SETDB1: variants seen among roughly 807,000 people sequenced by gnomAD.
The protein encoded by SETDB1 is SET domain bifurcated histone lysine methyltransferase 1, also known as histone-lysine N-methyltransferase SETDB1.
In SETDB1, 31 loss-of-function variants were observed where a neutral mutation model predicts 137.4. That is an observed-to-expected ratio of 0.23 (90% CI 0.17 to 0.30). SETDB1 has a LOEUF of 0.30. SETDB1 is among the 10% of genes least tolerant of loss of function. The pLI is 1.00. For missense variants in SETDB1, 1,113 were observed against 1,631.5 expected (o/e 0.68, Z 5.47); for synonymous variants, 548 against 579.9 (o/e 0.95, Z 0.79).
chr1:150,941,510 G>T, intron 5 of SETDB1, 82 bp downstream of exon 5: 1 of 814,286 alleles, frequency 1.2e-6, no homozygotes. Flanking sequence ...TCTGCTAATT[G>T]TTTGTGACAT....
intron 14 of SETDB1, among the ~76,000 whole-genome samples, chr1:150,952,706 C>G (rs888118925): frequency 6.6e-6 from 1 of 151,662 alleles, no homozygotes; most frequent in Admixed American, 6.6e-5. Flanking sequence ...ATGGAGAAAT[C>G]CCGTCTCTAC....
chr1:150,964,666 T>C lies in SETDB1; in HGVS notation c.*302T>C. The C allele has an allele frequency of 1.7e-6, 1 of 602,994 alleles. No individual in the cohort carries two copies. The highest frequency in any genetic ancestry group is 4.4e-4 in the Middle Eastern group (1 of 2,282). 37.4% of individuals were successfully genotyped at this position (602,994 alleles called of 1,614,324 possible). On this transcript the variant is annotated 3_prime_UTR_variant, in exon 22 of 22. Coordinates refer to ENST00000692827, the MANE Select transcript of SETDB1 (RefSeq NM_001366418.1). ...CTTCTAACAGACTTTGTTCTTAGAA[T>C]GGAGCCTGTGTATCTACTATCTCCA... is the stretch of plus-strand genomic sequence containing the variant.
Position 150,950,699 on chromosome 1 carries a change from T to C in SETDB1, c.1825T>C (p.Phe609Leu). Residue 609 changes from phenylalanine (F) to leucine (L), a missense_variant, in exon 13 of 22, where the codon TTC (phenylalanine) becomes CTC (leucine). Physicochemically the swap from Phe to Leu is conservative, Grantham distance 22. Around this residue, in one of 11 missense-constraint regions of SETDB1, gnomAD observed 55 missense variants for 118.5 expected, o/e 0.46. Coordinates refer to ENST00000692827, the MANE Select transcript of SETDB1 (RefSeq NM_001366418.1). ...TCTGCTGGTCCCGTTACTATATGAC[T>C]TCCGGCGGATGACAGCCCGGCGTCG... is the stretch of plus-strand genomic sequence containing the variant. ...NPLLVPLLYD[F>L]RRMTARRRVN... 6.2e-7 allele frequency: 1 copy of C among 1,614,232 alleles called. No homozygotes were observed. Among genetic ancestry groups the C allele is most frequent in the East Asian group, 2.2e-5 (1 of 44,886 alleles).
intron 3 of SETDB1, among the ~76,000 whole-genome samples, chr1:150,936,116 A>G (rs587638450): frequency 6.6e-6 from 1 of 152,216 alleles, no homozygotes; most frequent in African/African-American, 2.4e-5. Flanking sequence ...CCTCCCGAGT[A>G]GCTGGGACTA....
intron 7 of SETDB1, 49 bp downstream of exon 7, chr1:150,943,102 C>T (rs1195600202): frequency 7.3e-7 from 1 of 1,370,782 alleles, no homozygotes; most frequent in Non-Finnish European, 1.0e-6. Flanking sequence ...AGCACAGCAC[C>T]TGCCCTGTTC....
rs745880862 is a variant in SETDB1 at position 150,951,100 on chromosome 1, T to C, written c.2216+10T>C. 1 of 1,597,510 alleles carries C rather than the reference T, an allele frequency of 6.3e-7. No homozygotes were observed. Among genetic ancestry groups the C allele is most frequent in the Non-Finnish European group, 8.5e-7 (1 of 1,169,818 alleles). ...ATGGGTGTCGGGACAAGTGAGTTGG[T>C]GGGGGGAATTGCTGCCCCTGCTTCC... On this transcript the variant is annotated intron_variant, in intron 13 of 21. Coordinates refer to ENST00000692827, the MANE Select transcript of SETDB1 (RefSeq NM_001366418.1).
At chr1:150,933,752 T>C (rs1263588282) in intron 3 of SETDB1, among the ~76,000 whole-genome samples, 25 of 12,194 alleles carry the variant, frequency 2.1e-3, no homozygotes, top group Non-Finnish European at 2.7e-3. Flanking sequence ...GATTTTTCTT[T>C]TTCTTTTTCT....
Position 150,962,080 on chromosome 1 carries a change from TG to T in SETDB1, c.3133-49del, listed in dbSNP as rs764729447. The T allele has an allele frequency of 8.1e-6, 13 of 1,612,014 alleles. No homozygotes were observed. In the East Asian group the frequency reaches 2.7e-4, roughly 33 times the overall value. ...TCATTTGAAGTCTGATTATTGGACT[TG>T]TTACCCGAGGCTGTGAAAGCATTTA... On this transcript the variant is annotated intron_variant, in intron 16 of 21. Coordinates refer to ENST00000692827, the MANE Select transcript of SETDB1 (RefSeq NM_001366418.1).
intron 3 of SETDB1, among the ~76,000 whole-genome samples, chr1:150,936,857 G>T (rs1669960299): frequency 1.3e-5 from 2 of 152,262 alleles, no homozygotes; most frequent in Admixed American, 6.5e-5. Context: ...GCTCACAGTG[G>T]CTCACACCTG....
chr1:150,935,321 C>G (rs1304515122), intron 3 of SETDB1, among the ~76,000 whole-genome samples: 1 of 152,000 alleles, frequency 6.6e-6, no homozygotes, highest in African/African-American at 2.4e-5. Context: ...TGGGATGTAT[C>G]CAAGTTCTTT....
At chr1:150,942,485 C>A (rs1365615965) in intron 5 of SETDB1, 78 bp from the exon 6 acceptor site, 2 of 1,255,520 alleles carry the variant, frequency 1.6e-6, no homozygotes, top group Non-Finnish European at 2.2e-6. Flanking sequence ...CCCTAATTAC[C>A]ATACTACCCT....
At chr1:150,940,878 G>A (rs1449593120) in intron 4 of SETDB1, among the ~76,000 whole-genome samples, 1 of 151,360 alleles carries the variant, frequency 6.6e-6, no homozygotes, top group Non-Finnish European at 1.5e-5. Flanking sequence ...CGTGCCTGTA[G>A]TCCCAGCTGC....
At chr1:150,928,093 T>C (rs746456760) in intron 2 of SETDB1, 119 bp downstream of exon 2, 10 of 1,230,196 alleles carry the variant, frequency 8.1e-6, no homozygotes, top group African/African-American at 1.5e-5. Flanking sequence ...AGTCTCGCTC[T>C]GTCACCCAAG....
At position 150,942,608 on chromosome 1, in the gene SETDB1, T is replaced by C; in HGVS notation, c.593T>C (p.Leu198Pro). 6.2e-7 allele frequency: 1 copy of C among 1,613,612 alleles called. No individual in the cohort carries two copies. Among genetic ancestry groups the C allele is most frequent in the Non-Finnish European group, 8.5e-7 (1 of 1,179,560 alleles). The change falls in exon 6 of 22, where the codon CTG becomes CCG. Residue 198 changes from leucine to proline, a missense_variant. Leu to Pro is a moderately conservative substitution (Grantham distance 98). Around this residue, in one of 11 missense-constraint regions of SETDB1, gnomAD observed 154 missense variants for 303.1 expected, o/e 0.51. Coordinates refer to ENST00000692827, the MANE Select transcript of SETDB1 (RefSeq NM_001366418.1). ...MSGELSKDGD[L>P]IVSMRILGKK... is the part of the protein sequence containing the mutation. ...GGAGAACTAAGCAAAGATGGTGACC[T>C]GATAGTCAGCATGCGAATTCTGGGC...
intron 18 of SETDB1, 104 bp from the exon 19 acceptor site, chr1:150,962,870 T>C: frequency 6.7e-7 from 1 of 1,484,242 alleles, no homozygotes; most frequent in Non-Finnish European, 9.2e-7. Flanking sequence ...CATCTAATCT[T>C]CCTCTTGCCA....
At chr1:150,951,293 G>A in intron 13 of SETDB1, 72 bp from the exon 14 acceptor site, 2 of 1,215,228 alleles carry the variant, frequency 1.6e-6, no homozygotes, top group Non-Finnish European at 1.2e-6. Context: ...GCAACCTTGG[G>A]TACATGTGTA....
chr1:150,927,651 G>T, intron 1 of SETDB1, 53 bp from the exon 2 acceptor site: 2 of 1,510,958 alleles, frequency 1.3e-6, no homozygotes, highest in African/African-American at 1.4e-5. Context: ...ATTCTCTATT[G>T]ATTGATTGTA....
Position 150,963,661 on chromosome 1 carries a change from A to G in SETDB1, c.3592A>G (p.Thr1198Ala). Residue 1198 changes from threonine (T) to alanine (A), a missense_variant, in exon 20 of 22, where the codon ACA (threonine) becomes GCA (alanine). By Grantham distance (58) the Thr-to-Ala change is moderately conservative. Around this residue, in one of 11 missense-constraint regions of SETDB1, gnomAD observed 373 missense variants for 412.7 expected, o/e 0.90. Coordinates refer to ENST00000692827, the MANE Select transcript of SETDB1 (RefSeq NM_001366418.1). ...GGAGAGCGCACCTGTTCGTAAGAAC[A>G]CACGCCAATTCTATGATGGCGAGGA... ...KGESAPVRKN[T>A]RQFYDGEESC... The G allele has an allele frequency of 6.2e-7, 1 of 1,614,196 alleles. No individual in the cohort carries two copies. Among genetic ancestry groups the G allele is most frequent in the Non-Finnish European group, 8.5e-7 (1 of 1,180,036 alleles).
chr1:150,955,015 G>A (rs779883127), intron 14 of SETDB1, among the ~76,000 whole-genome samples: 1 of 152,202 alleles, frequency 6.6e-6, no homozygotes, highest in Non-Finnish European at 1.5e-5. Context: ...AGGAAAATTG[G>A]TTTAACAGAA....
Sources: gnomAD v4.1 joint callset for allele counts (sites outside exome capture counted in the v4.1 genomes callset) on GRCh38, gnomAD v4.1.1 for gene constraint, gnomAD v4.1.1 regional missense constraint, MANE v1.5 for transcripts, NCBI Gene and HGNC (gene_info 2026-07-23, HGNC 2026-07-21) for gene names.